GNB1L: variants seen among roughly 807,000 people sequenced by gnomAD.
GNB1L encodes G protein subunit beta 1 like.
In GNB1L, 20 loss-of-function variants were observed where a neutral mutation model predicts 29.1. The observed-to-expected ratio is 0.69, with a 90% confidence interval of 0.48 to 1.00. The LOEUF (loss-of-function observed/expected upper bound fraction) is 1.00. Ranked by LOEUF, GNB1L falls within the 50% of genes least tolerant of loss-of-function variation. The pLI, the probability that GNB1L is intolerant of heterozygous loss-of-function variation, is 0.00. For synonymous variants in GNB1L, 193 were observed against 206.5 expected (o/e 0.93, Z 0.56); for missense variants, 421 against 464.9 (o/e 0.91, Z 0.87).
At chr22:19,847,708 TTA>T in intron 2 of GNB1L, 1 of 984,038 alleles carries the variant, frequency 1.0e-6, no homozygotes, top group Non-Finnish European at 1.2e-6. Context: ...TCAAATTATA[TTA>T]TTGTGTATTC....
At chr22:19,805,402 C>T (rs1229351031) in intron 6 of GNB1L, among the ~76,000 whole-genome samples, 1 of 152,240 alleles carries the variant, frequency 6.6e-6, no homozygotes, top group Non-Finnish European at 1.5e-5. Context: ...CGGTCTCGCT[C>T]TCATGAGGAG....
At chr22:19,823,601 C>A (rs2145884114) in intron 2 of GNB1L, among the ~76,000 whole-genome samples, 1 of 152,308 alleles carries the variant, frequency 6.6e-6, no homozygotes, top group East Asian at 1.9e-4. Context: ...GATGGAGGGT[C>A]CCTCCCATGA....
At chr22:19,827,989 T>C (rs1937633064) in intron 2 of GNB1L, among the ~76,000 whole-genome samples, 1 of 152,122 alleles carries the variant, frequency 6.6e-6, no homozygotes, top group Non-Finnish European at 1.5e-5. Flanking sequence ...TCCACAGAAC[T>C]GAAAATGAAT....
At chr22:19,841,494 T>C (rs1344106271) in intron 2 of GNB1L, among the ~76,000 whole-genome samples, 1 of 152,074 alleles carries the variant, frequency 6.6e-6, no homozygotes, top group Non-Finnish European at 1.5e-5. Context: ...AATCGGCCAG[T>C]TATGGTGGTG....
chr22:19,818,008 G>A (rs1262797247), intron 4 of GNB1L, among the ~76,000 whole-genome samples: 1 of 152,258 alleles, frequency 6.6e-6, no homozygotes, highest in Admixed American at 6.5e-5. Context: ...CTTCCTTCAA[G>A]GGCCACTTGG....
intron 2 of GNB1L, among the ~76,000 whole-genome samples, chr22:19,838,574 G>A (rs910536317): frequency 2.6e-5 from 4 of 151,834 alleles, no homozygotes; most frequent in African/African-American, 7.3e-5. Context: ...AGGTTCAAGC[G>A]ATTCTCCTGT....
At chr22:19,847,139 G>A in intron 2 of GNB1L, 1 of 985,474 alleles carries the variant, frequency 1.0e-6, no homozygotes, top group Non-Finnish European at 1.2e-6. Flanking sequence ...GTGGCCTGCT[G>A]TGGCCTTTCC....
chr22:19,802,119 G>C lies in GNB1L; in HGVS notation c.614C>G (p.Ala205Gly). 6.2e-7 allele frequency: 1 copy of C among 1,613,258 alleles called. No homozygotes were observed. The highest frequency in any genetic ancestry group is 1.3e-5 in the African/African-American group (1 of 75,056). ...VSEQKVCSRI[A>G]CHEEPVMDLD... ...GTCCATGACGGGCTCCTCATGGCAG[G>C]CGATGCGGCTGCACACCTTCTGCTC... The change falls in exon 7 of 8, where the codon GCC becomes GGC. Residue 205 changes from alanine (A) to glycine (G), a missense_variant. Physicochemically the swap from Ala to Gly is moderately conservative, Grantham distance 60 (BLOSUM62 0). Coordinates refer to ENST00000329517, the MANE Select transcript of GNB1L (RefSeq NM_053004.3).
Position 19,821,377 on chromosome 22 carries a change from TG to T in GNB1L, c.-20-3del. On this transcript the variant is annotated splice_polypyrimidine_tract_variant and splice_region_variant and intron_variant, in intron 2 of 7. Coordinates refer to ENST00000329517, the MANE Select transcript of GNB1L (RefSeq NM_053004.3). Reference sequence around the variant, plus strand: ...TCATGCTGGGCAGGATGCAGTTACCTGGGCACCAAGGGAGGGCGTGTGAGTG... The same window carrying T: ...TCATGCTGGGCAGGATGCAGTTACCTGGCACCAAGGGAGGGCGTGTGAGTG... 2 of 1,610,262 alleles carry T rather than the reference TG, an allele frequency of 1.2e-6. No homozygotes were observed. The highest frequency in any genetic ancestry group is 8.5e-7 in the Non-Finnish European group (1 of 1,179,306).
At position 19,816,873 on chromosome 22, in the gene GNB1L, G is replaced by A. The variant is rs1372670489; in HGVS notation, c.254+3725C>T. Among the ~76,000 whole-genome samples the A allele has an allele frequency of 1.3e-5, 2 of 152,100 alleles. No individual in the cohort carries two copies. Among genetic ancestry groups the A allele is most frequent in the Non-Finnish European group, 2.9e-5 (2 of 68,000 alleles). On this transcript the variant is annotated intron_variant, in intron 4 of 7. Coordinates refer to ENST00000329517, the MANE Select transcript of GNB1L (RefSeq NM_053004.3). This position sits in a 1 kb window ranked among gnomAD's most constrained non-coding sequence, Gnocchi z 4.4. ...CAACCTCCTGGCCTCCCAGGCTGCC[G>A]CTGCCACACCACCCCCCCAACCCTG...
intron 2 of GNB1L, chr22:19,852,127 G>C (rs1363401752): frequency 6.2e-7 from 1 of 1,614,218 alleles, no homozygotes; most frequent in African/African-American, 1.3e-5. Flanking sequence ...GCTCAATCCA[G>C]GGATCCACAA....
chr22:19,841,463 T>C (rs1489824980), intron 2 of GNB1L, among the ~76,000 whole-genome samples: 2 of 152,088 alleles, frequency 1.3e-5, no homozygotes, highest in African/African-American at 4.8e-5. Context: ...CCCCCATCTC[T>C]ACAAACAAAT....
intron 4 of GNB1L, among the ~76,000 whole-genome samples, chr22:19,818,736 G>A (rs1313020807): frequency 1.3e-5 from 2 of 152,202 alleles, no homozygotes; most frequent in Admixed American, 6.5e-5. Context: ...GTGATGGCAC[G>A]GAGTTCCCTG....
Position 19,783,443 on chromosome 22 carries a change from G to A in GNB1L, c.*5266C>T, listed in dbSNP as rs191002666. Reference sequence around the variant, plus strand: ...TTCACTTAAAGGCCATGAGTTACTCGGGAGGCTGAGGCAGGAGGATCACTT... The same window carrying A: ...TTCACTTAAAGGCCATGAGTTACTCAGGAGGCTGAGGCAGGAGGATCACTT... On this transcript the variant is annotated 3_prime_UTR_variant, in exon 8 of 8. Transcript: ENST00000329517. 1.3e-4 allele frequency: 37 copies of A among 290,992 alleles called. No individual in the cohort carries two copies. Among genetic ancestry groups the A allele is most frequent in the African/African-American group, 5.9e-4 (27 of 45,662 alleles). The allele number at this position is 290,992 out of a possible 1,614,324, so 18.0% of individuals were successfully genotyped here.
intron 2 of GNB1L, chr22:19,849,824 T>C (rs1938052655): frequency 3.0e-6 from 3 of 985,482 alleles, no homozygotes; most frequent in South Asian, 9.4e-5. Flanking sequence ...CTTGAACTTC[T>C]TGTCCAAGCA....
At chr22:19,814,845 TA>T (rs1937518840) in intron 4 of GNB1L, among the ~76,000 whole-genome samples, 1 of 152,086 alleles carries the variant, frequency 6.6e-6, no homozygotes, top group African/African-American at 2.4e-5. Flanking sequence ...CCAGTCTGGG[TA>T]ACATAGTGAG....
chr22:19,811,121 T>C (rs899667814), intron 5 of GNB1L, among the ~76,000 whole-genome samples: 1 of 152,232 alleles, frequency 6.6e-6, no homozygotes, highest in East Asian at 1.9e-4. Context: ...AACAGGTTTT[T>C]GGCAGATTGG....
chr22:19,820,090 C>T (rs1307258746), intron 4 of GNB1L, among the ~76,000 whole-genome samples: 1 of 152,170 alleles, frequency 6.6e-6, no homozygotes, highest in Non-Finnish European at 1.5e-5. Flanking sequence ...AGGGCCTCCA[C>T]CGGCACCGTG....
At position 19,788,663 on chromosome 22, in the gene GNB1L, AC is replaced by A. The variant is rs755330121; in HGVS notation, c.*45del. ...AGGCCAAGGCTGGGGCCTGATGCCC[AC>A]CTCCCTGCCCGCCCTCCTCGTCTCC... On this transcript the variant is annotated 3_prime_UTR_variant, in exon 8 of 8. Transcript: ENST00000329517. The A allele has an allele frequency of 6.2e-7, 1 of 1,611,836 alleles. No homozygotes were observed. Among genetic ancestry groups the A allele is most frequent in the Non-Finnish European group, 8.5e-7 (1 of 1,179,272 alleles).
Sources: allele counts gnomAD v4.1 joint callset (sites outside exome capture counted in the v4.1 genomes callset), GRCh38; gene constraint gnomAD v4.1.1; non-coding constraint Gnocchi (gnomAD v3.1); transcripts MANE v1.5; gene names NCBI Gene and HGNC (gene_info 2026-07-23, HGNC 2026-07-21).